BCR: variants seen among roughly 807,000 people sequenced by gnomAD.
BCR encodes the protein breakpoint cluster region protein.
In BCR, 58 loss-of-function variants were observed where a neutral mutation model predicts 138.6. The observed-to-expected ratio is 0.42, with a 90% CI of 0.34 to 0.52. BCR has a LOEUF of 0.52. BCR is among the 20% of genes least tolerant of loss of function. BCR has a pLI of 0.06. For missense variants in BCR, 1,599 were observed against 1,727.2 expected (o/e 0.93, Z 1.32); for synonymous variants, 786 against 730.1 (o/e 1.08, Z -1.23).
intron 8 of BCR, among the ~76,000 whole-genome samples, chr22:23,274,801 G>C (rs184149327): frequency 6.6e-6 from 1 of 151,708 alleles, no homozygotes; most frequent in South Asian, 2.1e-4. Context: ...CCAGCTACTC[G>C]GGAGGCTGAG....
chr22:23,273,566 C>T (rs2073534625), intron 7 of BCR, 68 bp from the exon 8 acceptor site: 1 of 1,602,416 alleles, frequency 6.2e-7, no homozygotes, highest in Non-Finnish European at 8.5e-7. Context: ...TTTGTGTCTG[C>T]ACTTTGCACA....
In BCR at chr22:23,243,133, T is replaced by C. The variant is rs532658426; in HGVS notation, c.1280-10666T>C. On this transcript the variant is annotated intron_variant, in intron 1 of 22. Transcript: ENST00000305877. ...AAAATCATTGTAATTTCCTGAACGA[T>C]GGGGTGATAGGAGCATCTTTTGTTA... 1.6e-5 allele frequency: 4 copies of C among 248,846 alleles called. No homozygotes were observed. The East Asian group carries it at 5.0e-4, about 31-fold the overall frequency. The allele number at this position is 248,846 out of a possible 1,614,324, so 15.4% of individuals were successfully genotyped here.
At chr22:23,224,745 G>A (rs966102533) in intron 1 of BCR, among the ~76,000 whole-genome samples, 1 of 152,094 alleles carries the variant, frequency 6.6e-6, no homozygotes, top group African/African-American at 2.4e-5. Context: ...AGCCAGGCAT[G>A]GTGGCACACG....
chr22:23,294,652 G>A (rs1047531094), intron 15 of BCR, among the ~76,000 whole-genome samples: 4 of 152,156 alleles, frequency 2.6e-5, no homozygotes, highest in African/African-American at 9.7e-5. Flanking sequence ...GCCCACCTTG[G>A]CCTCCCAAAG....
chr22:23,256,980 C>T (rs889064935), intron 2 of BCR, among the ~76,000 whole-genome samples: 1 of 152,086 alleles, frequency 6.6e-6, no homozygotes, highest in Non-Finnish European at 1.5e-5. Flanking sequence ...TCCAATTTCC[C>T]TTTACCTCCG....
intron 10 of BCR, among the ~76,000 whole-genome samples, chr22:23,286,307 G>A (rs2073712363): frequency 6.6e-6 from 1 of 152,194 alleles, no homozygotes; most frequent in South Asian, 2.1e-4. Context: ...GGAGGCGGGT[G>A]GCATCAAGGT....
At chr22:23,228,102 CCTTT>C (rs2072914503) in intron 1 of BCR, among the ~76,000 whole-genome samples, 1 of 151,984 alleles carries the variant, frequency 6.6e-6, no homozygotes, top group Non-Finnish European at 1.5e-5. Context: ...GTCATTTGTG[CCTTT>C]CTTTTTTTGT....
chr22:23,248,867 G>A (rs1042765488), intron 1 of BCR, among the ~76,000 whole-genome samples: 4 of 152,168 alleles, frequency 2.6e-5, no homozygotes, highest in Admixed American at 6.5e-5. Context: ...AGGGTGAGGC[G>A]GCCCAGAGAG....
intron 1 of BCR, among the ~76,000 whole-genome samples, chr22:23,252,432 C>CTTTTTTTTTTTT (rs71200842): frequency 1.7e-5 from 2 of 117,934 alleles, no homozygotes; most frequent in African/African-American, 6.9e-5. Context: ...CTTTTCTTTT[C>CTTTTTTTTTTTT]TTTTTTTTTT....
intron 1 of BCR, among the ~76,000 whole-genome samples, chr22:23,244,006 A>T (rs1408846443): frequency 1.3e-5 from 2 of 152,148 alleles, no homozygotes; most frequent in Non-Finnish European, 2.9e-5. Context: ...CCAGCTTTAG[A>T]GTCAGTAGGT....
At chr22:23,268,202 T>G (rs752338388) in intron 4 of BCR, among the ~76,000 whole-genome samples, 6 of 152,146 alleles carry the variant, frequency 3.9e-5, no homozygotes, top group Non-Finnish European at 5.9e-5. Flanking sequence ...CTTCTCAGCA[T>G]GTCATTTTGG....
chr22:23,238,872 G>T (rs531769638), intron 1 of BCR, among the ~76,000 whole-genome samples: 62 of 150,848 alleles, frequency 4.1e-4, no homozygotes, highest in African/African-American at 1.3e-3. Context: ...GCTTGCAAGG[G>T]GGGTGGGGGG....
intron 1 of BCR, among the ~76,000 whole-genome samples, chr22:23,225,985 A>G (rs773065750): frequency 1.9e-4 from 29 of 152,172 alleles, no homozygotes; most frequent in Non-Finnish European, 2.4e-4. Flanking sequence ...AAGCTACACA[A>G]ACAAACTCCT....
At chr22:23,242,964 C>G in intron 1 of BCR, 1 of 447,044 alleles carries the variant, frequency 2.2e-6, no homozygotes, top group South Asian at 1.6e-5. Flanking sequence ...CAGTCCCTGC[C>G]TCCGCCTTCA....
At chr22:23,269,875 G>A (rs911096815) in intron 5 of BCR, among the ~76,000 whole-genome samples, 2 of 152,192 alleles carry the variant, frequency 1.3e-5, no homozygotes, top group African/African-American at 4.8e-5. Flanking sequence ...TTTCTGCAGA[G>A]GAGGGAGGAA....
At chr22:23,200,814 C>G (rs1014234995) in intron 1 of BCR, among the ~76,000 whole-genome samples, 1 of 152,182 alleles carries the variant, frequency 6.6e-6, no homozygotes, top group African/African-American at 2.4e-5. Context: ...CCCGCCTTGG[C>G]CTCCCAAAGT....
chr22:23,234,624 G>C (rs1366345882), intron 1 of BCR, among the ~76,000 whole-genome samples: 2 of 152,208 alleles, frequency 1.3e-5, no homozygotes, highest in Non-Finnish European at 2.9e-5. Flanking sequence ...ATGGTGGGCT[G>C]TGAAGAACTG....
chr22:23,287,526 GC>G (rs2073730299), intron 11 of BCR, among the ~76,000 whole-genome samples: 1 of 152,244 alleles, frequency 6.6e-6, no homozygotes, highest in African/African-American at 2.4e-5. Context: ...GGGCAGGGGA[GC>G]CTAGCAGGTT....
At chr22:23,231,065 T>C (rs1568944802) in intron 1 of BCR, among the ~76,000 whole-genome samples, 1 of 152,184 alleles carries the variant, frequency 6.6e-6, no homozygotes, top group Non-Finnish European at 1.5e-5. Flanking sequence ...AGAAACCTTA[T>C]AGTGCTGTGT....
Sources: allele counts gnomAD v4.1 joint callset (sites outside exome capture counted in the v4.1 genomes callset), GRCh38; gene constraint gnomAD v4.1.1; transcripts MANE v1.5; gene names NCBI Gene and HGNC (gene_info 2026-07-23, HGNC 2026-07-21).